PDE7A: variants seen among roughly 807,000 people sequenced by gnomAD.
The protein encoded by PDE7A is phosphodiesterase 7A, also known as high affinity 3',5'-cyclic-AMP phosphodiesterase 7A.
PDE7A carries 39 observed loss-of-function variants against 64.3 expected under a neutral mutation model. The observed-to-expected ratio is 0.61, with a 90% confidence interval of 0.47 to 0.79. PDE7A has a LOEUF of 0.79. Ranked by LOEUF, PDE7A falls within the 30% of genes least tolerant of loss-of-function variation. The probability of loss-of-function intolerance (pLI) is 0.00; values close to 1 mark genes in which losing one functional copy is unlikely to be tolerated. For synonymous variants in PDE7A, 203 were observed against 206.8 expected (o/e 0.98, Z 0.16); for missense variants, 470 against 582.8 (o/e 0.81, Z 1.99).
rs1309182757 is a variant in PDE7A at position 65,764,643 on chromosome 8, T to C, written c.283+15077A>G. On this transcript the variant is annotated intron_variant, in intron 3 of 12. Transcript: ENST00000401827. The stretch of plus-strand genomic sequence containing the variant: ...GAATCTACCCTTGTATGGGAGTTAC[T>C]AGATATTAAAGACTGAGATAAACTA... Among the ~76,000 whole-genome samples, 3 of 152,340 alleles carry C rather than the reference T, an allele frequency of 2.0e-5. No homozygotes were observed. In the East Asian group the frequency reaches 5.8e-4, roughly 29 times the overall value.
chr8:65,775,791 C>T lies in PDE7A; in HGVS notation c.283+3929G>A, dbSNP rs977218061. Among the ~76,000 whole-genome samples, 7 of 152,278 alleles carry T rather than the reference C, an allele frequency of 4.6e-5. No individual in the cohort carries two copies. In the Middle Eastern group the frequency reaches 0.014, roughly 296 times the overall value. ...TACAGGCACGCACCACTGCACCTGG[C>T]TAATTTTTACTATTTTTAGTAGAGA... On this transcript the variant is annotated intron_variant, in intron 3 of 12. Coordinates refer to ENST00000401827, the MANE Select transcript of PDE7A (RefSeq NM_001242318.3).
Position 65,777,011 on chromosome 8 carries a change from AG to A in PDE7A, c.283+2708del, listed in dbSNP as rs535276723. 1.1e-4 allele frequency among the ~76,000 whole-genome samples: 16 copies of A among 151,634 alleles called. No homozygotes were observed. The South Asian group carries it at 3.3e-3, about 32-fold the overall frequency. On this transcript the variant is annotated intron_variant, in intron 3 of 12. Transcript: ENST00000401827. ...TGTAGCTAATGTTTCAGACTGTTTA[AG>A]TTTTTCTCTGTTCCTAGCTTGCTCA...
chr8:65,833,447 A>C (rs1199595881), intron 1 of PDE7A, among the ~76,000 whole-genome samples: 1 of 152,226 alleles, frequency 6.6e-6, no homozygotes, highest in Non-Finnish European at 1.5e-5. Context: ...CACATCCATA[A>C]GACAACAAGA....
intron 7 of PDE7A, chr8:65,728,699 G>A (rs987984801): frequency 3.3e-5 from 5 of 152,290 alleles, no homozygotes; most frequent in African/African-American, 9.6e-5. Context: ...ATGGGCATGG[G>A]TGTCTATGTC....
rs545005324 is a variant in PDE7A, at chr8:65,813,818, T to C, written c.138+27553A>G. On this transcript the variant is annotated intron_variant, in intron 1 of 12. Coordinates refer to ENST00000401827, the MANE Select transcript of PDE7A (RefSeq NM_001242318.3). ...GGTCCTCTCTTTAATCGTCTGGTAGTCAAATCAGGCTCCCTTACAGCATCT... is the reference window on the plus strand; with the variant it reads ...GGTCCTCTCTTTAATCGTCTGGTAGCCAAATCAGGCTCCCTTACAGCATCT... Among the ~76,000 whole-genome samples, 3 of 152,334 alleles carry C rather than the reference T, an allele frequency of 2.0e-5. No individual in the cohort carries two copies. In the South Asian group the frequency reaches 6.2e-4, roughly 32 times the overall value.
chr8:65,765,631 C>G (rs1808743059), intron 3 of PDE7A: 1 of 143,592 alleles, frequency 7.0e-6, no homozygotes, highest in Admixed American at 7.0e-5. Flanking sequence ...TGAAAGAAAA[C>G]ATATTCCTTG....
At chr8:65,805,888 C>G (rs1214462107) in intron 1 of PDE7A, among the ~76,000 whole-genome samples, 1 of 152,170 alleles carries the variant, frequency 6.6e-6, no homozygotes, top group Non-Finnish European at 1.5e-5. Context: ...TATTATTATA[C>G]TTTAAAACTT....
chr8:65,840,029 TTAAC>T (rs1286326865), intron 1 of PDE7A, among the ~76,000 whole-genome samples: 1 of 152,192 alleles, frequency 6.6e-6, no homozygotes, highest in African/African-American at 2.4e-5. Flanking sequence ...TTAAAAACCT[TTAAC>T]TACTACTATT....
chr8:65,824,577 T>A (rs1810622206), intron 1 of PDE7A, among the ~76,000 whole-genome samples: 1 of 152,308 alleles, frequency 6.6e-6, no homozygotes, highest in East Asian at 1.9e-4. Flanking sequence ...TGTTATCCTA[T>A]TTTAAGAAAT....
At chr8:65,785,913 T>C (rs1370190068) in intron 1 of PDE7A, among the ~76,000 whole-genome samples, 5 of 152,260 alleles carry the variant, frequency 3.3e-5, no homozygotes, top group Non-Finnish European at 7.4e-5. Context: ...ACTTCACACA[T>C]TAAGGATTGT....
chr8:65,824,234 G>C (rs568019044), intron 1 of PDE7A, among the ~76,000 whole-genome samples: 1 of 152,254 alleles, frequency 6.6e-6, no homozygotes, highest in African/African-American at 2.4e-5. Flanking sequence ...ATCTGTGATA[G>C]TGATCTTTAA....
chr8:65,816,122 C>T (rs1016470743), intron 1 of PDE7A, among the ~76,000 whole-genome samples: 1 of 152,074 alleles, frequency 6.6e-6, no homozygotes, highest in African/African-American at 2.4e-5. Context: ...ATATTTAGCT[C>T]TTTTCTCAGT....
At chr8:65,795,957 G>A (rs975818369) in intron 1 of PDE7A, among the ~76,000 whole-genome samples, 6 of 150,400 alleles carry the variant, frequency 4.0e-5, no homozygotes, top group African/African-American at 1.5e-4. Context: ...TGAAAAAAAA[G>A]AAACTAAAAA....
intron 1 of PDE7A, among the ~76,000 whole-genome samples, chr8:65,806,353 G>A (rs931786634): frequency 6.6e-6 from 1 of 152,130 alleles, no homozygotes; most frequent in African/African-American, 2.4e-5. Flanking sequence ...ATTGCCACAG[G>A]TTGAGGGAGG....
chr8:65,751,772 G>A (rs962161779), intron 3 of PDE7A, among the ~76,000 whole-genome samples: 3 of 152,168 alleles, frequency 2.0e-5, no homozygotes, highest in Admixed American at 6.5e-5. Context: ...GATTACAGGC[G>A]TGAGCCACTG....
intron 1 of PDE7A, among the ~76,000 whole-genome samples, chr8:65,798,499 C>T (rs1029677728): frequency 3.3e-5 from 5 of 152,032 alleles, no homozygotes; most frequent in African/African-American, 1.2e-4. Flanking sequence ...TGTGAGCCAC[C>T]TTGTTGCCTG....
chr8:65,794,088 G>A (rs1809773299), intron 1 of PDE7A, among the ~76,000 whole-genome samples: 1 of 152,040 alleles, frequency 6.6e-6, no homozygotes, highest in Non-Finnish European at 1.5e-5. Flanking sequence ...TTAAACTGAT[G>A]GCAAACTTGA....
At chr8:65,826,963 G>C (rs1350759468) in intron 1 of PDE7A, among the ~76,000 whole-genome samples, 1 of 152,110 alleles carries the variant, frequency 6.6e-6, no homozygotes, top group Non-Finnish European at 1.5e-5. Flanking sequence ...TTTCTTCCTT[G>C]AGTGTGTCTG....
At chr8:65,774,051 C>G (rs913494634) in intron 3 of PDE7A, among the ~76,000 whole-genome samples, 7 of 152,098 alleles carry the variant, frequency 4.6e-5, no homozygotes, top group Admixed American at 3.9e-4. Context: ...ATGAGCAATA[C>G]GTTCACATGA....
Sources: allele counts gnomAD v4.1 joint callset (sites outside exome capture counted in the v4.1 genomes callset), GRCh38; gene constraint gnomAD v4.1.1; transcripts MANE v1.5; gene names NCBI Gene and HGNC (gene_info 2026-07-23, HGNC 2026-07-21).